The following CDH4 variants were observed in gnomAD, a reference collection of about 807,000 sequenced individuals.
CDH4 encodes cadherin 4, also known as cadherin-4.
A neutral mutation model predicts 86.0 loss-of-function variants in CDH4; 33 were observed. The observed-to-expected ratio is 0.38, with a 90% CI of 0.29 to 0.51. The LOEUF (loss-of-function observed/expected upper bound fraction) is 0.51, where lower values mean the gene tolerates loss of function less well. Among genes scored for constraint, CDH4 ranks in the 20% least tolerant of loss-of-function variants. The pLI is 0.86. For missense variants in CDH4, 1,114 were observed against 1,307.4 expected, an observed-to-expected ratio of 0.85 and a Z score of 2.28; for synonymous variants, 555 against 549.4, an observed-to-expected ratio of 1.01 and a Z score of -0.14.
chr20:61,293,188 G>A (rs1395348943), intron 2 of CDH4, among the ~76,000 whole-genome samples: 2 of 152,192 alleles, frequency 1.3e-5, no homozygotes, highest in African/African-American at 4.8e-5. Context: ...CCACATGAAC[G>A]TAGTAGGACT....
chr20:61,545,478 A>C (rs555401239), intron 2 of CDH4, among the ~76,000 whole-genome samples: 1 of 152,310 alleles, frequency 6.6e-6, no homozygotes, highest in Admixed American at 6.5e-5. Context: ...GGTGTCCCTC[A>C]TTGCTGGCGT....
At chr20:61,773,311 TA>T (rs2088800246) in intron 4 of CDH4, 129 bp downstream of exon 4, 2 of 881,782 alleles carry the variant, frequency 2.3e-6, no homozygotes, top group Non-Finnish European at 3.3e-6. Flanking sequence ...ACCCTTTCTG[TA>T]ATGAGATAAG....
At chr20:61,395,423 C>T (rs113255822) in intron 2 of CDH4, among the ~76,000 whole-genome samples, 96 of 152,178 alleles carry the variant, frequency 6.3e-4, no homozygotes, top group African/African-American at 1.8e-3. Flanking sequence ...GGCATTAATA[C>T]GTACATGGCA....
At chr20:61,892,386 GAC>G (rs1984862691) in intron 7 of CDH4, among the ~76,000 whole-genome samples, 1 of 152,252 alleles carries the variant, frequency 6.6e-6, no homozygotes, top group South Asian at 2.1e-4. Context: ...TGATGGATGA[GAC>G]AGCCATGGCC....
At chr20:61,768,872 A>G (rs1366332651) in intron 3 of CDH4, among the ~76,000 whole-genome samples, 1 of 152,254 alleles carries the variant, frequency 6.6e-6, no homozygotes, top group African/African-American at 2.4e-5. Context: ...ATACAAGCTC[A>G]TACTAAGCAA....
At chr20:61,841,418 C>T (rs1982165861) in intron 4 of CDH4, among the ~76,000 whole-genome samples, 1 of 152,194 alleles carries the variant, frequency 6.6e-6, no homozygotes, top group South Asian at 2.1e-4. Context: ...GACGTTGCCC[C>T]ATACCCCCTC....
chr20:61,565,372 G>A lies in CDH4; in HGVS notation c.170-178191G>A, dbSNP rs1265260423. Reference sequence around the variant, plus strand: ...TCTTGGTGATGGGGTGATGGTGGTGGTGGTCCTCTTGGTGATGGGGTGATG... The same window carrying A: ...TCTTGGTGATGGGGTGATGGTGGTGATGGTCCTCTTGGTGATGGGGTGATG... On this transcript the variant is annotated intron_variant, in intron 2 of 15. Transcript: ENST00000614565. Among the ~76,000 whole-genome samples, 7 of 62,376 alleles carry A rather than the reference G, an allele frequency of 1.1e-4. 1 individual carries two copies. Among genetic ancestry groups the A allele is most frequent in the Non-Finnish European group, 1.8e-4 (6 of 33,046 alleles). The allele number at this position is 62,376 out of a possible 152,430, so 40.9% of individuals were successfully genotyped here.
chr20:61,877,848 T>G (rs546220792), intron 7 of CDH4, among the ~76,000 whole-genome samples: 1 of 152,280 alleles, frequency 6.6e-6, no homozygotes, highest in African/African-American at 2.4e-5. Flanking sequence ...GGGGCTGGAC[T>G]TTGGGGCCAT....
At chr20:61,372,981 G>T (rs2084848598) in intron 2 of CDH4, among the ~76,000 whole-genome samples, 1 of 152,360 alleles carries the variant, frequency 6.6e-6, no homozygotes, top group East Asian at 1.9e-4. Flanking sequence ...CGATACTTCA[G>T]ATTTTTTTTT....
chr20:61,635,258 G>A (rs1428153983), intron 2 of CDH4, among the ~76,000 whole-genome samples: 1 of 152,196 alleles, frequency 6.6e-6, no homozygotes, highest in Non-Finnish European at 1.5e-5. Flanking sequence ...CCCCACCAGC[G>A]ATGCACAAGG....
At chr20:61,486,619 G>A (rs2427128) in intron 2 of CDH4, among the ~76,000 whole-genome samples, 52,496 of 152,110 alleles carry the variant, frequency 0.35, 11,036 homozygotes, top group Admixed American at 0.48. Flanking sequence ...GGCCAGGTAC[G>A]ATGGCTCATG....
At chr20:61,624,599 C>T (rs901398671) in intron 2 of CDH4, among the ~76,000 whole-genome samples, 11 of 152,220 alleles carry the variant, frequency 7.2e-5, no homozygotes, top group African/African-American at 2.7e-4. Flanking sequence ...CCTGGGATCT[C>T]TGGAATCGAG....
In CDH4 at chr20:61,319,503, G is replaced by A. The variant is rs139396477; in HGVS notation, c.169+64566G>A. On this transcript the variant is annotated intron_variant, in intron 2 of 15. Coordinates refer to ENST00000614565, the MANE Select transcript of CDH4 (RefSeq NM_001794.5). Reference sequence around the variant, plus strand: ...AATGCTGCAATGAGCACGGGCATGCGGAGGTCTCTTTGAGATCTGATTTCA... The same window carrying A: ...AATGCTGCAATGAGCACGGGCATGCAGAGGTCTCTTTGAGATCTGATTTCA... Among the ~76,000 whole-genome samples, 344 of 152,236 alleles carry A rather than the reference G, an allele frequency of 2.3e-3. 1 individual carries two copies. The highest frequency in any genetic ancestry group is 7.7e-3 in the African/African-American group (318 of 41,532).
chr20:61,706,837 A>G (rs1199318178), intron 2 of CDH4, among the ~76,000 whole-genome samples: 1 of 152,022 alleles, frequency 6.6e-6, no homozygotes, highest in African/African-American at 2.4e-5. Flanking sequence ...TCAGCATCCG[A>G]CCTCCACATT....
intron 2 of CDH4, among the ~76,000 whole-genome samples, chr20:61,474,152 CTTTTTTTTTT>C (rs10551077): frequency 2.5e-5 from 1 of 40,020 alleles, no homozygotes; most frequent in Non-Finnish European, 4.1e-5. Flanking sequence ...TGGAATAGGA[CTTTTTTTTTT>C]TTTTTTTTTT....
chr20:61,585,480 T>C (rs1203630678), intron 2 of CDH4, among the ~76,000 whole-genome samples: 1 of 152,282 alleles, frequency 6.6e-6, no homozygotes, highest in Non-Finnish European at 1.5e-5. Context: ...TTTTGTGCCA[T>C]TTCTGTCTTA....
rs993303502 is a variant in CDH4 at position 61,417,491 on chromosome 20, C to T, written c.169+162554C>T. Reference sequence around the variant, plus strand: ...CCACGTGAGCCAGCACCGTTGGGTCCGGAGTTGGGAGTTGGGAATCGGGCC... The same window carrying T: ...CCACGTGAGCCAGCACCGTTGGGTCTGGAGTTGGGAGTTGGGAATCGGGCC... On this transcript the variant is annotated intron_variant, in intron 2 of 15. Coordinates refer to ENST00000614565, the MANE Select transcript of CDH4 (RefSeq NM_001794.5). This position sits in a 1 kb window ranked among gnomAD's most constrained non-coding sequence, Gnocchi z 4.0. 2.6e-5 allele frequency among the ~76,000 whole-genome samples: 4 copies of T among 152,292 alleles called. No homozygotes were observed. The highest frequency in any genetic ancestry group is 1.3e-4 in the Admixed American group (2 of 15,302).
chr20:61,269,596 ATTAG>A lies in CDH4; in HGVS notation c.169+14663_169+14666del, dbSNP rs1028017889. Among the ~76,000 whole-genome samples the A allele has an allele frequency of 4.6e-5, 7 of 151,998 alleles. No individual in the cohort carries two copies. The highest frequency in any genetic ancestry group is 1.7e-4 in the African/African-American group (7 of 41,408). On this transcript the variant is annotated intron_variant, in intron 2 of 15. Transcript: ENST00000614565. The surrounding 1 kb of genome is among the most constrained non-coding windows in gnomAD (Gnocchi z 5.3). ...GCTTGCTCTTATTTATTAATTATTT[ATTAG>A]TTATAATTATTTATTTAATTAATTA...
intron 2 of CDH4, among the ~76,000 whole-genome samples, chr20:61,315,154 C>T (rs1378245226): frequency 6.6e-6 from 1 of 152,132 alleles, no homozygotes; most frequent in Non-Finnish European, 1.5e-5. Flanking sequence ...GGGGACCGGC[C>T]TCATCCTGAA....
Sources: gnomAD v4.1 joint callset for allele counts (sites outside exome capture counted in the v4.1 genomes callset) on GRCh38, gnomAD v4.1.1 for gene constraint, Gnocchi (gnomAD v3.1) non-coding constraint, MANE v1.5 for transcripts, NCBI Gene and HGNC (gene_info 2026-07-23, HGNC 2026-07-21) for gene names.